Variants in ZNF469 observed in about 807,000 individuals in gnomAD.
ZNF469 encodes the protein zinc finger protein 469.
A neutral mutation model predicts 1.0 loss-of-function variants in ZNF469; 1 was observed. That is an observed-to-expected ratio of 1.00 (90% CI 0.35 to 4.73). The LOEUF is 4.73. Ranked by LOEUF, ZNF469 falls within the 30% of genes most tolerant of loss-of-function variation. The probability of loss-of-function intolerance (pLI) is 0.16; values close to 1 mark genes in which losing one functional copy is unlikely to be tolerated. For missense variants in ZNF469, 6,100 were observed against 5,356.3 expected (o/e 1.14, Z -4.33); for synonymous variants, 2,703 against 2,363.4 (o/e 1.14, Z -4.17).
the ZNF469 span, among the ~76,000 whole-genome samples, chr16:88,110,153 C>A: frequency 2.4e-4 from 36 of 152,356 alleles, no homozygotes; most frequent in African/African-American, 8.7e-4. Context: ...GAGTCACACA[C>A]ACGTCCAGCT....
chr16:88,269,668 C>T, the ZNF469 span, among the ~76,000 whole-genome samples: 1 of 152,088 alleles, frequency 6.6e-6, no homozygotes, highest in Non-Finnish European at 1.5e-5. Flanking sequence ...TAAATCACGT[C>T]TTCTGCACCT....
At chr16:88,406,840 G>A (rs370468096) in intron 1 of ZNF469, among the ~76,000 whole-genome samples, 1 of 152,160 alleles carries the variant, frequency 6.6e-6, no homozygotes, top group African/African-American at 2.4e-5. Flanking sequence ...ATGACACAGG[G>A]TTGGCGCCAC....
At chr16:88,165,604 T>G in the ZNF469 span, among the ~76,000 whole-genome samples, 1 of 152,196 alleles carries the variant, frequency 6.6e-6, no homozygotes, top group Admixed American at 6.5e-5. Flanking sequence ...GCTAACTTTT[T>G]TCCAATTTTT....
At chr16:88,401,704 TATATGGGTA>T (rs1904872193) in intron 1 of ZNF469, among the ~76,000 whole-genome samples, 1 of 117,142 alleles carries the variant, frequency 8.5e-6, no homozygotes, top group Non-Finnish European at 1.9e-5. Flanking sequence ...GATGGATGGA[TATATGGGTA>T]GATGGATGGG....
the ZNF469 span, among the ~76,000 whole-genome samples, chr16:88,186,489 T>C: frequency 6.6e-6 from 1 of 151,994 alleles, no homozygotes; most frequent in Non-Finnish European, 1.5e-5. Flanking sequence ...CGGGAGCTGA[T>C]CTTGGCAGGT....
the ZNF469 span, among the ~76,000 whole-genome samples, chr16:88,314,760 G>C: frequency 2.1e-5 from 3 of 144,206 alleles, no homozygotes; most frequent in Admixed American, 7.0e-5. Context: ...GGCAGTGCTG[G>C]TGTGGGCTAT....
chr16:88,336,758 G>A, the ZNF469 span, among the ~76,000 whole-genome samples: 39 of 152,280 alleles, frequency 2.6e-4, no homozygotes, highest in South Asian at 2.5e-3. Context: ...TGTGCGATTC[G>A]GTGGCTTTTC....
At chr16:88,173,189 C>T in the ZNF469 span, among the ~76,000 whole-genome samples, 72 of 151,906 alleles carry the variant, frequency 4.7e-4, no homozygotes, top group Non-Finnish European at 1.2e-4. Flanking sequence ...TTCTGAAAGC[C>T]AGTGATAAAG....
At chr16:88,235,151 GT>G in the ZNF469 span, among the ~76,000 whole-genome samples, 2 of 152,172 alleles carry the variant, frequency 1.3e-5, no homozygotes, top group Non-Finnish European at 2.9e-5. Context: ...GGATCCCGTG[GT>G]TTCATTTCGC....
chr16:88,150,294 G>T, the ZNF469 span, among the ~76,000 whole-genome samples: 1 of 152,082 alleles, frequency 6.6e-6, no homozygotes, highest in Non-Finnish European at 1.5e-5. Context: ...TGGGTGACAG[G>T]GCGAGACTCC....
chr16:88,261,195 C>T, the ZNF469 span, among the ~76,000 whole-genome samples: 4 of 152,138 alleles, frequency 2.6e-5, no homozygotes, highest in Non-Finnish European at 4.4e-5. This position sits in a 1 kb window ranked among gnomAD's most constrained non-coding sequence, Gnocchi z 6.0. Context: ...GCTGCTGATG[C>T]GGGTGGGAGA....
chr16:88,408,257 A>G (rs961154419), intron 1 of ZNF469, among the ~76,000 whole-genome samples: 5 of 152,142 alleles, frequency 3.3e-5, no homozygotes, highest in African/African-American at 9.7e-5. Flanking sequence ...GGTTCGAGCA[A>G]TTCTCCTGCC....
chr16:88,370,860 AG>A, the ZNF469 span, among the ~76,000 whole-genome samples: 8 of 152,242 alleles, frequency 5.3e-5, no homozygotes, highest in Non-Finnish European at 1.0e-4. Flanking sequence ...AAGTAGAAAA[AG>A]CTTGGAAAGT....
At chr16:88,328,760 G>A in the ZNF469 span, among the ~76,000 whole-genome samples, 1 of 152,196 alleles carries the variant, frequency 6.6e-6, no homozygotes. Flanking sequence ...AGCAACAGAG[G>A]CGCCCAGTCT....
chr16:88,198,808 G>A, the ZNF469 span, among the ~76,000 whole-genome samples: 3 of 152,224 alleles, frequency 2.0e-5, no homozygotes, highest in Admixed American at 1.3e-4. Flanking sequence ...AAAAGAGAGC[G>A]ATGGCTCTGC....
chr16:88,414,611 C>A (rs1388467489), intron 1 of ZNF469, among the ~76,000 whole-genome samples: 1 of 152,272 alleles, frequency 6.6e-6, no homozygotes, highest in African/African-American at 2.4e-5. Context: ...GAGGGAGAGG[C>A]AGGCCCTGTG....
At chr16:88,347,646 G>A in the ZNF469 span, among the ~76,000 whole-genome samples, 8 of 152,190 alleles carry the variant, frequency 5.3e-5, no homozygotes, top group African/African-American at 1.7e-4. Context: ...CATCCACCCC[G>A]ATGTGAAGAA....
At chr16:88,195,756 C>T in the ZNF469 span, among the ~76,000 whole-genome samples, 2 of 152,188 alleles carry the variant, frequency 1.3e-5, no homozygotes, top group Non-Finnish European at 2.9e-5. Flanking sequence ...GAGCCCAGAG[C>T]GTCAGGAAAG....
chr16:88,427,036 G>A (rs539792844), intron 2 of ZNF469, among the ~76,000 whole-genome samples: 70 of 152,222 alleles, frequency 4.6e-4, no homozygotes, highest in Non-Finnish European at 8.1e-4. Flanking sequence ...GAGCCTGTAA[G>A]CGGCCTCCTC....
Sources: gnomAD v4.1 joint callset for allele counts (sites outside exome capture counted in the v4.1 genomes callset) on GRCh38, gnomAD v4.1.1 for gene constraint, Gnocchi (gnomAD v3.1) non-coding constraint, MANE v1.5 for transcripts, NCBI Gene and HGNC (gene_info 2026-07-23, HGNC 2026-07-21) for gene names.